Variants in EFHD1 observed in about 807,000 individuals in gnomAD.
The protein encoded by EFHD1 is EF-hand domain-containing protein D1.
Under a neutral mutation model 17.2 loss-of-function variants are expected in EFHD1, and 10 were observed. The ratio of observed to expected loss-of-function variants is 0.58; its 90% CI spans 0.36 to 0.99. The LOEUF (loss-of-function observed/expected upper bound fraction) is 0.99, where lower values mean the gene tolerates loss of function less well. EFHD1 is among the 50% of genes least tolerant of loss of function. The pLI is 0.01. For missense variants in EFHD1, 310 were observed against 327.5 expected, an observed-to-expected ratio of 0.95 and a Z score of 0.41; for synonymous variants, 153 against 142.0, an observed-to-expected ratio of 1.08 and a Z score of -0.55.
chr2:232,665,079 T>G (rs552157974), intron 2 of EFHD1, among the ~76,000 whole-genome samples: 1 of 151,598 alleles, frequency 6.6e-6, no homozygotes, highest in Non-Finnish European at 1.5e-5. Flanking sequence ...CCTGGCTAAT[T>G]TTTTCAAAAG....
chr2:232,637,143 A>C (rs926034403), intron 1 of EFHD1, among the ~76,000 whole-genome samples: 1 of 152,190 alleles, frequency 6.6e-6, no homozygotes, highest in Non-Finnish European at 1.5e-5. Context: ...GAAGTCTGAC[A>C]AGTCTGAAAC....
intron 1 of EFHD1, 107 bp from the exon 2 acceptor site, chr2:232,662,695 G>A (rs914829536): frequency 3.3e-5 from 48 of 1,469,104 alleles, no homozygotes; most frequent in Admixed American, 5.4e-5. Context: ...CTCGCAGAGC[G>A]GGAGGTATTT....
At chr2:232,658,516 G>A (rs1369053815) in intron 1 of EFHD1, among the ~76,000 whole-genome samples, 2 of 151,950 alleles carry the variant, frequency 1.3e-5, no homozygotes, top group African/African-American at 2.4e-5. Context: ...TCCAATCTTG[G>A]GTATATACAC....
At chr2:232,631,762 G>T (rs1003853653), upstream of EFHD1, among the ~76,000 whole-genome samples, 40 of 150,232 alleles carry the variant, frequency 2.7e-4, 1 homozygote, top group Middle Eastern at 3.4e-3. Flanking sequence ...AGCACTTCGG[G>T]AGGCCGAGGT....
At position 232,672,552 on chromosome 2, in the gene EFHD1, CCAGGAG is replaced by C. The variant is rs1002506981; in HGVS notation, c.585+110_585+115del. ...AGCAGAGCACACCTGCAGAAACAGACCAGGAGGGTCCTCCCAGTGCTCTGCCAACCA... is the reference window on the plus strand; with the variant it reads ...AGCAGAGCACACCTGCAGAAACAGACGGTCCTCCCAGTGCTCTGCCAACCA... On this transcript the variant is annotated intron_variant, in intron 3 of 3. Transcript: ENST00000264059. 3.1e-5 allele frequency: 45 copies of C among 1,449,990 alleles called. No homozygotes were observed. In the African/African-American group the frequency reaches 6.3e-4, roughly 20 times the overall value. 89.8% of individuals were successfully genotyped at this position (1,449,990 alleles called of 1,614,324 possible).
chr2:232,669,940 T>G (rs1480567755), intron 2 of EFHD1, among the ~76,000 whole-genome samples: 1 of 152,118 alleles, frequency 6.6e-6, no homozygotes, highest in Non-Finnish European at 1.5e-5. Flanking sequence ...AAAAAAGACC[T>G]GGAAACCTGC....
intron 2 of EFHD1, among the ~76,000 whole-genome samples, chr2:232,663,595 G>T (rs376054158): frequency 6.6e-6 from 1 of 152,060 alleles, no homozygotes; most frequent in East Asian, 1.9e-4. Context: ...TCAAACTCCT[G>T]GCTTCAAGTG....
chr2:232,608,429 G>A (rs1470084504), intron 1 of EFHD1, among the ~76,000 whole-genome samples: 1 of 152,140 alleles, frequency 6.6e-6, no homozygotes, highest in Non-Finnish European at 1.5e-5. Context: ...ATCATCTTTA[G>A]ATTACTTATA....
Position 232,672,344 on chromosome 2 carries a change from G to C in EFHD1, c.486G>C (p.Glu162Asp). Reference protein sequence around the residue: ...LLIFHKAAAGELQEDSGLMAL... With the variant: ...LLIFHKAAAGDLQEDSGLMAL... ...TTTTCCACAAGGCCGCGGCAGGGGAGCTGCAGGAGGACAGTGGGCTGATGG... is the reference window on the plus strand; with the variant it reads ...TTTTCCACAAGGCCGCGGCAGGGGACCTGCAGGAGGACAGTGGGCTGATGG... The change falls in exon 3 of 4, where the codon GAG (glutamate) becomes GAC (aspartate). Residue 162 changes from glutamate to aspartate, a missense_variant. Glu to Asp is a conservative substitution (Grantham distance 45, BLOSUM62 2). Coordinates refer to ENST00000264059, the MANE Select transcript of EFHD1 (RefSeq NM_025202.4). The C allele has an allele frequency of 4.3e-6, 7 of 1,614,196 alleles. No individual in the cohort carries two copies. The highest frequency in any genetic ancestry group is 5.9e-6 in the Non-Finnish European group (7 of 1,180,042).
At chr2:232,650,366 C>T in intron 1 of EFHD1, among the ~76,000 whole-genome samples, 1 of 147,672 alleles carries the variant, frequency 6.8e-6, no homozygotes, top group East Asian at 2.0e-4. Flanking sequence ...GCAATCTTGG[C>T]TCACTGCAAT....
rs1168665921 is a variant in EFHD1, at chr2:232,613,653, C to CACACACAT, written c.14+7485_14+7486insCATACACA. Among the ~76,000 whole-genome samples, 288 of 137,780 alleles carry CACACACAT rather than the reference C, an allele frequency of 2.1e-3. 1 individual carries two copies. The highest frequency in any genetic ancestry group is 7.9e-3 in the African/African-American group (279 of 35,164). The allele number at this position is 137,780 out of a possible 152,430, so 90.4% of individuals were successfully genotyped here. ...ACACATATACACACACATACACACA[C>CACACACAT]ACACAAATACACACACACAAATATA... On this transcript the variant is annotated intron_variant, in intron 1 of 3. Transcript: ENST00000409613.
intron 1 of EFHD1, among the ~76,000 whole-genome samples, chr2:232,626,641 G>T (rs982860864): frequency 2.0e-5 from 3 of 152,054 alleles, no homozygotes; most frequent in African/African-American, 7.2e-5. Context: ...TGAACATAAA[G>T]CCCTTCTGCT....
At chr2:232,651,329 A>T (rs139637391) in intron 1 of EFHD1, among the ~76,000 whole-genome samples, 125 of 152,364 alleles carry the variant, frequency 8.2e-4, no homozygotes, top group African/African-American at 2.8e-3. Context: ...TAGCATTTTC[A>T]TGGAAGGAGA....
chr2:232,654,360 G>A (rs1293622153), intron 1 of EFHD1, among the ~76,000 whole-genome samples: 1 of 151,018 alleles, frequency 6.6e-6, no homozygotes. Flanking sequence ...AAGTCTTCTA[G>A]ACTCCTCTCA....
At chr2:232,631,866 A>C (rs1694209216), upstream of EFHD1, among the ~76,000 whole-genome samples, 1 of 151,596 alleles carries the variant, frequency 6.6e-6, no homozygotes, top group Non-Finnish European at 1.5e-5. Flanking sequence ...AGCCAGGTGC[A>C]GTGGTGGGCG....
In EFHD1 at chr2:232,682,421, T is replaced by C. The variant is rs1349095667; in HGVS notation, c.*702T>C. On this transcript the variant is annotated 3_prime_UTR_variant, in exon 4 of 4. Transcript: ENST00000264059. ...GCCTTTTCCCCACTCTTAAATACTG[T>C]ACTACTTCACTGTAAGAACGAAAGA... 6.6e-6 allele frequency: 1 copy of C among 152,376 alleles called. No homozygotes were observed. Among genetic ancestry groups the C allele is most frequent in the Non-Finnish European group, 1.5e-5 (1 of 68,090 alleles). 9.4% of individuals were successfully genotyped at this position (152,376 alleles called of 1,614,324 possible).
intron 1 of EFHD1, among the ~76,000 whole-genome samples, chr2:232,635,433 C>T (rs1174964093): frequency 6.6e-6 from 1 of 152,184 alleles, no homozygotes; most frequent in African/African-American, 2.4e-5. Context: ...TAGTTGACTA[C>T]CTAAGAGTGA....
chr2:232,619,268 G>A (rs1693980010), intron 1 of EFHD1, among the ~76,000 whole-genome samples: 1 of 151,442 alleles, frequency 6.6e-6, no homozygotes, highest in Non-Finnish European at 1.5e-5. Context: ...TGTTGCCAGG[G>A]GATGGGAGGA....
rs1200683709 is a variant in EFHD1 at position 232,682,122 on chromosome 2, C to T, written c.*403C>T. The T allele has an allele frequency of 1.2e-5, 2 of 163,448 alleles. No individual in the cohort carries two copies. Among genetic ancestry groups the T allele is most frequent in the Non-Finnish European group, 2.6e-5 (2 of 75,834 alleles). 10.1% of individuals were successfully genotyped at this position (163,448 alleles called of 1,614,324 possible). A position where few individuals can be genotyped will look rare whatever the true frequency, so the allele number is the denominator to read the frequency against. Reference sequence around the variant, plus strand: ...TTCTCGGAGAATTCTCTGCACTCCTCTCTGCTTCACATTCAACTTCCCTGT... The same window carrying T: ...TTCTCGGAGAATTCTCTGCACTCCTTTCTGCTTCACATTCAACTTCCCTGT... On this transcript the variant is annotated 3_prime_UTR_variant, in exon 4 of 4. Transcript: ENST00000264059.
Sources: gnomAD v4.1 joint callset for allele counts (sites outside exome capture counted in the v4.1 genomes callset) on GRCh38, gnomAD v4.1.1 for gene constraint, MANE v1.5 for transcripts, NCBI Gene and HGNC (gene_info 2026-07-23, HGNC 2026-07-21) for gene names.